The following C19orf12 variants were observed in gnomAD, a reference collection of about 807,000 sequenced individuals.
C19orf12 encodes the protein protein C19orf12.
In C19orf12, 2 loss-of-function variants were observed where a neutral mutation model predicts 3.8. The observed-to-expected ratio is 0.53, with a 90% CI of 0.22 to 1.66. The LOEUF (loss-of-function observed/expected upper bound fraction) is 1.66. Among genes scored for constraint, C19orf12 ranks in the 40% most tolerant of loss-of-function variants. C19orf12 has a pLI of 0.20. For synonymous variants in C19orf12, 89 were observed against 84.6 expected, an observed-to-expected ratio of 1.05 and a Z score of -0.28; for missense variants, 156 against 188.8, an observed-to-expected ratio of 0.83 and a Z score of 1.02.
Position 29,702,873 on chromosome 19 carries a change from A to G in C19orf12, c.265T>C (p.Phe89Leu). 1 of 1,614,196 alleles carries G rather than the reference A, an allele frequency of 6.2e-7. No homozygotes were observed. The highest frequency in any genetic ancestry group is 8.5e-7 in the Non-Finnish European group (1 of 1,180,016). ...CTGATGATGGCTGCGGCTTCGTTAA[A>G]GAGCCTCTGTTGCTCGGCAGGGGGC... ...ELPPAEQQRL[F>L]NEAAAIIRHL... The change falls in exon 3 of 3, where the codon TTT becomes CTT. Residue 89 changes from phenylalanine to leucine, a missense_variant. By Grantham distance (22) the Phe-to-Leu change is conservative. Transcript: ENST00000323670.
chr19:29,702,754 G>A lies in C19orf12; in HGVS notation c.384C>T (p.Tyr128=), dbSNP rs769604905. Residue 128 remains tyrosine, a synonymous_variant, in exon 3 of 3, where the codon TAC becomes TAT. Coordinates refer to ENST00000323670, the MANE Select transcript of C19orf12 (RefSeq NM_031448.6). ...TCTCGGCCCGCAGCTCCTTGGTGAC[G>A]TAGTTCACCAGCATGGCCAGCAGCT... The part of the protein sequence containing the change: ...QQQLLAMLVN[Y]VTKELRAEIQ... The A allele has an allele frequency of 5.6e-5, 91 of 1,613,808 alleles. No homozygotes were observed. The highest frequency in any genetic ancestry group is 7.1e-5 in the Non-Finnish European group (84 of 1,180,018).
rs1165470646 is a variant in C19orf12 at position 29,703,378 on chromosome 19, C to CT, written c.161-402dup. On this transcript the variant is annotated intron_variant, in intron 2 of 2. Coordinates refer to ENST00000323670, the MANE Select transcript of C19orf12 (RefSeq NM_031448.6). ...AACAAATGCATTTTCTTTTTCTTTTCTTTTTTTTTTTTTTTTTTTTGAGAC... is the reference window on the plus strand; with the variant it reads ...AACAAATGCATTTTCTTTTTCTTTTCTTTTTTTTTTTTTTTTTTTTTGAGAC... Among the ~76,000 whole-genome samples the CT allele has an allele frequency of 7.6e-3, 976 of 128,372 alleles. 4 individuals are homozygous for CT. Among genetic ancestry groups the CT allele is most frequent in the Non-Finnish European group, 0.01 (618 of 59,524 alleles). 84.2% of individuals were successfully genotyped at this position (128,372 alleles called of 152,430 possible). A position where few individuals can be genotyped will look rare whatever the true frequency, so the allele number is the denominator to read the frequency against.
At chr19:29,711,474 C>T (rs2145649847) in intron 1 of C19orf12, among the ~76,000 whole-genome samples, 1 of 152,304 alleles carries the variant, frequency 6.6e-6, no homozygotes, top group Admixed American at 6.5e-5. Flanking sequence ...TTATATCCAG[C>T]TTTTCATCTG....
Position 29,700,100 on chromosome 19 carries a change from C to T in C19orf12, c.*2612G>A. On this transcript the variant is annotated 3_prime_UTR_variant, in exon 3 of 3. Transcript: ENST00000323670. The stretch of plus-strand genomic sequence containing the variant: ...ACCATCTCCTCCCTGGGCATTTTTC[C>T]CTGCAGTAGGGGTGGGCAGGCTGTG... 2.2e-6 allele frequency: 1 copy of T among 454,034 alleles called. No homozygotes were observed. The highest frequency in any genetic ancestry group is 4.4e-6 in the Non-Finnish European group (1 of 226,792). 28.1% of individuals were successfully genotyped at this position (454,034 alleles called of 1,614,324 possible).
rs78926577 is a variant in C19orf12, at chr19:29,707,492, A to G, written c.160+762T>C. On this transcript the variant is annotated intron_variant, in intron 2 of 2. Coordinates refer to ENST00000323670, the MANE Select transcript of C19orf12 (RefSeq NM_031448.6). ...CTGGCTCACATGAAATGGCCACACC[A>G]TATGTGCTGAGAAGGTGCATGGCTC... 9.7e-3 allele frequency among the ~76,000 whole-genome samples: 1,470 copies of G among 152,326 alleles called. 24 individuals carry two copies. Among genetic ancestry groups the G allele is most frequent in the African/African-American group, 0.034 (1,406 of 41,580 alleles).
intron 1 of C19orf12, among the ~76,000 whole-genome samples, chr19:29,713,153 C>T (rs1972770814): frequency 6.6e-6 from 1 of 152,178 alleles, no homozygotes; most frequent in African/African-American, 2.4e-5. Flanking sequence ...GAAGCCCACC[C>T]TGCTCCTTCT....
At chr19:29,709,520 G>A (rs1403160531) in intron 1 of C19orf12, among the ~76,000 whole-genome samples, 1 of 145,080 alleles carries the variant, frequency 6.9e-6, no homozygotes, top group Non-Finnish European at 1.5e-5. Context: ...AGATTCTATT[G>A]CTTATTATCT....
chr19:29,702,223 A>C lies in C19orf12; in HGVS notation c.*489T>G, dbSNP rs1342896707. On this transcript the variant is annotated 3_prime_UTR_variant, in exon 3 of 3. Coordinates refer to ENST00000323670, the MANE Select transcript of C19orf12 (RefSeq NM_031448.6). ...AGGGGACGGTTGCACTAGGAGGTAA[A>C]CATGATTCCAGCATGGGCTGCTCCA... 2.2e-6 allele frequency: 1 copy of C among 454,588 alleles called. No individual in the cohort carries two copies. The highest frequency in any genetic ancestry group is 4.4e-6 in the Non-Finnish European group (1 of 227,152). 28.2% of individuals were successfully genotyped at this position (454,588 alleles called of 1,614,324 possible).
In C19orf12 at chr19:29,702,894, G is replaced by A. The variant is rs574975743; in HGVS notation, c.244C>T (p.Pro82Ser). 1.9e-6 allele frequency: 3 copies of A among 1,614,078 alleles called. No individual in the cohort carries two copies. The highest frequency in any genetic ancestry group is 2.2e-5 in the South Asian group (2 of 91,084). ...PVPQILMELP[P>S]AEQQRLFNEA... ...TTAAAGAGCCTCTGTTGCTCGGCAG[G>A]GGGCAGCTCCATTAGGATCTGAGGA... Residue 82 changes from proline (P) to serine (S), a missense_variant, in exon 3 of 3, where the codon CCT becomes TCT. Coordinates refer to ENST00000323670, the MANE Select transcript of C19orf12 (RefSeq NM_031448.6).
At chr19:29,703,493 A>C (rs998978683) in intron 2 of C19orf12, among the ~76,000 whole-genome samples, 12 of 142,090 alleles carry the variant, frequency 8.4e-5, no homozygotes, top group Non-Finnish European at 1.7e-4. Context: ...CGATTCTCCC[A>C]CCTCAGCCTC....
chr19:29,703,150 T>G (rs1434473916), intron 2 of C19orf12, among the ~76,000 whole-genome samples, 173 bp from the exon 3 acceptor site: 2 of 152,006 alleles, frequency 1.3e-5, no homozygotes, highest in Non-Finnish European at 2.9e-5. Flanking sequence ...AGGGCAAAGG[T>G]TTATGCAGTC....
chr19:29,714,674 C>G (rs994238513), intron 1 of C19orf12, among the ~76,000 whole-genome samples: 1 of 143,572 alleles, frequency 7.0e-6, no homozygotes, highest in Non-Finnish European at 1.5e-5. Context: ...ACCTAGCACC[C>G]CACCCCCAGC....
rs1050817950 is a variant in C19orf12, at chr19:29,701,951, C to T, written c.*761G>A. On this transcript the variant is annotated 3_prime_UTR_variant, in exon 3 of 3. Coordinates refer to ENST00000323670, the MANE Select transcript of C19orf12 (RefSeq NM_031448.6). ...TTGCTTTATTGTGATGTTGGCTTTA[C>T]CGAGGTGGTCTGGAACTGAACCCAC... 1 of 454,088 alleles carries T rather than the reference C, an allele frequency of 2.2e-6. No homozygotes were observed. The highest frequency in any genetic ancestry group is 4.4e-6 in the Non-Finnish European group (1 of 226,782). 28.1% of individuals were successfully genotyped at this position (454,088 alleles called of 1,614,324 possible). A position where few individuals can be genotyped will look rare whatever the true frequency, so the allele number is the denominator to read the frequency against.
At chr19:29,709,718 G>A in intron 1 of C19orf12, among the ~76,000 whole-genome samples, 1 of 151,770 alleles carries the variant, frequency 6.6e-6, no homozygotes, top group Non-Finnish European at 1.5e-5. Context: ...ATTTTTAGTA[G>A]AGATGACTAC....
Position 29,699,496 on chromosome 19 carries a change from A to G in C19orf12, c.*3216T>C, listed in dbSNP as rs927329204. 1 of 418,186 alleles carries G rather than the reference A, an allele frequency of 2.4e-6. No homozygotes were observed. Among genetic ancestry groups the G allele is most frequent in the African/African-American group, 2.1e-5 (1 of 47,172 alleles). 25.9% of individuals were successfully genotyped at this position (418,186 alleles called of 1,614,324 possible). On this transcript the variant is annotated 3_prime_UTR_variant, in exon 3 of 3. Transcript: ENST00000323670. ...AGACTCCATCTCAAAAAAAAAAAAA[A>G]GAAAAAAAGAAAAAAATATATGTGT...
At position 29,706,412 on chromosome 19, in the gene C19orf12, C is replaced by A. The variant is rs1027506471; in HGVS notation, c.160+1842G>T. Among the ~76,000 whole-genome samples, 5 of 152,202 alleles carry A rather than the reference C, an allele frequency of 3.3e-5. No homozygotes were observed. The South Asian group carries it at 6.2e-4, about 19-fold the overall frequency. ...TTTCAGGGTAAAATGATGCTCCCGCCCATGACCAGGGACTGGAAGTAGTGA... is the reference window on the plus strand; with the variant it reads ...TTTCAGGGTAAAATGATGCTCCCGCACATGACCAGGGACTGGAAGTAGTGA... On this transcript the variant is annotated intron_variant, in intron 2 of 2. Transcript: ENST00000323670.
chr19:29,702,700 C>T lies in C19orf12; in HGVS notation c.*12G>A, dbSNP rs1158188154. 10 of 1,613,114 alleles carry T rather than the reference C, an allele frequency of 6.2e-6. No homozygotes were observed. The highest frequency in any genetic ancestry group is 3.3e-5 in the South Asian group (3 of 91,030). On this transcript the variant is annotated 3_prime_UTR_variant, in exon 3 of 3. Transcript: ENST00000323670. ...CATTTAAAGGGGCCCCCCACCTCCCCGGAGGTGCGGCCTAGTCATCATACT... is the reference window on the plus strand; with the variant it reads ...CATTTAAAGGGGCCCCCCACCTCCCTGGAGGTGCGGCCTAGTCATCATACT...
Position 29,702,765 on chromosome 19 carries a change from G to A in C19orf12, c.373C>T (p.Leu125=), listed in dbSNP as rs1330965211. The A allele has an allele frequency of 1.2e-6, 2 of 1,613,950 alleles. No homozygotes were observed. Among genetic ancestry groups the A allele is most frequent in the Admixed American group, 1.7e-5 (1 of 60,026 alleles). Residue 125 remains leucine (L), a synonymous_variant, in exon 3 of 3, where the codon CTG becomes TTG. Coordinates refer to ENST00000323670, the MANE Select transcript of C19orf12 (RefSeq NM_031448.6). ...EALQQQLLAM[L]VNYVTKELRA... ...AGCTCCTTGGTGACGTAGTTCACCAGCATGGCCAGCAGCTGCTGCTGCAGG... is the reference window on the plus strand; with the variant it reads ...AGCTCCTTGGTGACGTAGTTCACCAACATGGCCAGCAGCTGCTGCTGCAGG...
intron 2 of C19orf12, among the ~76,000 whole-genome samples, chr19:29,704,335 G>T (rs920211619): frequency 6.6e-6 from 1 of 151,918 alleles, no homozygotes; most frequent in Non-Finnish European, 1.5e-5. Context: ...CAGGCATAGT[G>T]GTGGGTGCCT....
Sources: gnomAD v4.1 joint callset for allele counts (sites outside exome capture counted in the v4.1 genomes callset) on GRCh38, gnomAD v4.1.1 for gene constraint, MANE v1.5 for transcripts, NCBI Gene and HGNC (gene_info 2026-07-23, HGNC 2026-07-21) for gene names.